The following KCNMA1 variants were observed in gnomAD, a reference collection of about 807,000 sequenced individuals.
The protein encoded by KCNMA1 is potassium calcium-activated channel subfamily M alpha 1.
A neutral mutation model predicts 140.0 loss-of-function variants in KCNMA1; 29 were observed. That is an observed-to-expected ratio of 0.21 (90% CI 0.15 to 0.28). The LOEUF (loss-of-function observed/expected upper bound fraction) is 0.28, where lower values mean the gene tolerates loss of function less well. Ranked by LOEUF, KCNMA1 falls within the 10% of genes least tolerant of loss-of-function variation. The pLI is 1.00. For missense variants in KCNMA1, 880 were observed against 1,602.2 expected (o/e 0.55, Z 7.70); for synonymous variants, 612 against 611.9 (o/e 1.00, Z 0.00).
intron 17 of KCNMA1, 182 bp from the exon 18 acceptor site, chr10:77,012,225 C>G: frequency 6.8e-7 from 1 of 1,479,848 alleles, no homozygotes; most frequent in Non-Finnish European, 8.9e-7. Context: ...TTATTTCAAA[C>G]ACAGGATTCT....
chr10:76,935,179 C>T (rs1356526954), intron 23 of KCNMA1, among the ~76,000 whole-genome samples: 4 of 152,142 alleles, frequency 2.6e-5, no homozygotes, highest in East Asian at 1.9e-4. Flanking sequence ...CAGCTAGGGT[C>T]AAGGGGCTCA....
chr10:77,457,375 A>C (rs1236935679), intron 1 of KCNMA1, among the ~76,000 whole-genome samples: 1 of 152,148 alleles, frequency 6.6e-6, no homozygotes, highest in Non-Finnish European at 1.5e-5. Flanking sequence ...CAGATAGAGA[A>C]CATGTCCATC....
chr10:77,101,258 C>T (rs972167326), intron 9 of KCNMA1, among the ~76,000 whole-genome samples: 1 of 152,128 alleles, frequency 6.6e-6, no homozygotes, highest in Non-Finnish European at 1.5e-5. Flanking sequence ...CTTTGGGTAT[C>T]TACCCCTCAG....
chr10:77,581,171 G>A (rs1485644123), intron 1 of KCNMA1, among the ~76,000 whole-genome samples: 2 of 152,172 alleles, frequency 1.3e-5, no homozygotes, highest in Non-Finnish European at 2.9e-5. Context: ...GACATCAGGG[G>A]TAATGCAGGC....
chr10:77,574,865 A>G (rs1409184064), intron 1 of KCNMA1, among the ~76,000 whole-genome samples: 1 of 152,220 alleles, frequency 6.6e-6, no homozygotes, highest in Non-Finnish European at 1.5e-5. Context: ...GTGCTTCATG[A>G]TGCTTTTGAA....
intron 2 of KCNMA1, among the ~76,000 whole-genome samples, chr10:77,392,869 C>A (rs1003195034): frequency 1.3e-5 from 2 of 152,356 alleles, no homozygotes; most frequent in African/African-American, 4.8e-5. Context: ...AGCCTCGCCC[C>A]ACCTCCAGGG....
intron 22 of KCNMA1, 130 bp from the exon 23 acceptor site, chr10:76,945,095 AATT>A: frequency 1.3e-6 from 1 of 799,284 alleles, no homozygotes; most frequent in Non-Finnish European, 2.1e-6. Context: ...AGCTTTGGGA[AATT>A]ATTTAACAAG....
intron 9 of KCNMA1, among the ~76,000 whole-genome samples, chr10:77,094,892 G>C (rs2096894119): frequency 6.6e-6 from 1 of 151,918 alleles, no homozygotes; most frequent in Non-Finnish European, 1.5e-5. Context: ...GTAGAGATAG[G>C]TTCTTGCTAT....
chr10:77,251,097 G>T, intron 3 of KCNMA1, 98 bp downstream of exon 3: 2 of 939,246 alleles, frequency 2.1e-6, no homozygotes, highest in South Asian at 1.3e-5. Flanking sequence ...CACTCAGAAG[G>T]TCTTGCAAAG....
intron 2 of KCNMA1, among the ~76,000 whole-genome samples, chr10:77,365,625 C>A (rs1411603621): frequency 6.6e-6 from 1 of 152,148 alleles, no homozygotes; most frequent in Non-Finnish European, 1.5e-5. Flanking sequence ...ACTTTATGGC[C>A]ACGTTTTGTT....
chr10:77,577,551 T>C (rs747758430), intron 1 of KCNMA1, among the ~76,000 whole-genome samples: 13 of 152,184 alleles, frequency 8.5e-5, no homozygotes, highest in African/African-American at 2.9e-4. Flanking sequence ...TTGCACTTAA[T>C]ACACCAGGCA....
chr10:76,915,749 G>A lies in KCNMA1; in HGVS notation c.2903-700C>T, dbSNP rs569383840. ...GTTTTCACAGAGTTCTGGCCAATGGGAGGTGTCAGGAAATCTTCCTGGGGC... is the reference window on the plus strand; with the variant it reads ...GTTTTCACAGAGTTCTGGCCAATGGAAGGTGTCAGGAAATCTTCCTGGGGC... On this transcript the variant is annotated intron_variant, in intron 23 of 27. Transcript: ENST00000286628. 2.0e-5 allele frequency among the ~76,000 whole-genome samples: 3 copies of A among 152,262 alleles called. No homozygotes were observed. The East Asian group carries it at 5.8e-4, about 29-fold the overall frequency.
intron 14 of KCNMA1, among the ~76,000 whole-genome samples, chr10:77,045,590 C>T (rs1203389593): frequency 6.6e-6 from 1 of 152,238 alleles, no homozygotes; most frequent in African/African-American, 2.4e-5. Flanking sequence ...GCTCCCCCAT[C>T]AAATGTACCT....
chr10:76,874,113 C>T (rs762968449), downstream of KCNMA1: 1 of 151,784 alleles, frequency 6.6e-6, no homozygotes, highest in Admixed American at 6.6e-5. Flanking sequence ...AGAAGAAAAC[C>T]CTAGAAACAG....
intron 2 of KCNMA1, among the ~76,000 whole-genome samples, chr10:77,286,744 A>AG (rs2071005605): frequency 9.6e-6 from 1 of 104,060 alleles, no homozygotes; most frequent in Non-Finnish European, 1.9e-5. Context: ...AAATTTGACT[A>AG]GGGACGGTGT....
intron 26 of KCNMA1, 151 bp from the exon 27 acceptor site, chr10:76,889,720 C>A: frequency 2.7e-6 from 2 of 729,900 alleles, no homozygotes; most frequent in East Asian, 2.6e-5. Context: ...TGGAAGAAGT[C>A]AACATGTTTA....
intron 20 of KCNMA1, among the ~76,000 whole-genome samples, chr10:76,954,566 G>A (rs2067470058): frequency 6.6e-6 from 1 of 152,180 alleles, no homozygotes; most frequent in Non-Finnish European, 1.5e-5. Flanking sequence ...AGAGCAGACT[G>A]ACTACCAAAT....
At chr10:77,394,696 A>AT (rs1273461836) in intron 2 of KCNMA1, among the ~76,000 whole-genome samples, 1 of 152,160 alleles carries the variant, frequency 6.6e-6, no homozygotes, top group African/African-American at 2.4e-5. Flanking sequence ...GGGGAAGTGA[A>AT]TGTAGACACG....
At chr10:77,451,462 G>T (rs890711457) in intron 1 of KCNMA1, among the ~76,000 whole-genome samples, 2 of 152,146 alleles carry the variant, frequency 1.3e-5, no homozygotes, top group African/African-American at 2.4e-5. Context: ...AGGCGAGTAG[G>T]TGAGAAGGCA....
Sources: allele counts gnomAD v4.1 joint callset (sites outside exome capture counted in the v4.1 genomes callset), GRCh38; gene constraint gnomAD v4.1.1; transcripts MANE v1.5; gene names NCBI Gene and HGNC (gene_info 2026-07-23, HGNC 2026-07-21).